The following DPP6 variants were observed in gnomAD, a reference collection of about 807,000 sequenced individuals.
The protein encoded by DPP6 is A-type potassium channel modulatory protein DPP6.
DPP6 carries 69 observed loss-of-function variants against 122.6 expected under a neutral mutation model. The ratio of observed to expected loss-of-function variants is 0.56; its 90% CI spans 0.46 to 0.69. DPP6 has a LOEUF of 0.69. DPP6 is among the 30% of genes least tolerant of loss of function. The pLI is 0.00. For synonymous variants in DPP6, 418 were observed against 433.1 expected, an observed-to-expected ratio of 0.97 and a Z score of 0.43; for missense variants, 928 against 1,116.9, an observed-to-expected ratio of 0.83 and a Z score of 2.41.
chr7:154,154,771 G>T (rs1398159383), intron 1 of DPP6, among the ~76,000 whole-genome samples: 1 of 152,174 alleles, frequency 6.6e-6, no homozygotes, highest in Non-Finnish European at 1.5e-5. Flanking sequence ...TACTCATACT[G>T]CATACATGCA....
chr7:154,564,537 C>T (rs1379129113), intron 4 of DPP6, among the ~76,000 whole-genome samples: 1 of 152,118 alleles, frequency 6.6e-6, no homozygotes, highest in Non-Finnish European at 1.5e-5. Flanking sequence ...TTGGCAATAC[C>T]TATTTAATTT....
At position 154,072,928 on chromosome 7, in the gene DPP6, G is replaced by A. The variant is rs570761059; in HGVS notation, c.243+19865G>A. On this transcript the variant is annotated intron_variant, in intron 1 of 25. Transcript: ENST00000377770. ...ATGGTTGTCTGGCACAGAGAGAGCCGGGGGACCCACACGCTCACGCAGTTC... is the reference window on the plus strand; with the variant it reads ...ATGGTTGTCTGGCACAGAGAGAGCCAGGGGACCCACACGCTCACGCAGTTC... Among the ~76,000 whole-genome samples the A allele has an allele frequency of 5.3e-5, 8 of 152,366 alleles. No individual in the cohort carries two copies. The South Asian group carries it at 1.2e-3, about 24-fold the overall frequency.
At chr7:154,151,704 G>C (rs1472643567) in intron 1 of DPP6, among the ~76,000 whole-genome samples, 1 of 151,840 alleles carries the variant, frequency 6.6e-6, no homozygotes, top group Non-Finnish European at 1.5e-5. Flanking sequence ...GACTGCAGCT[G>C]GTCTCCAGTT....
chr7:154,018,212 T>G (rs1271753599), intron 1 of DPP6, among the ~76,000 whole-genome samples: 3 of 151,812 alleles, frequency 2.0e-5, no homozygotes, highest in East Asian at 1.9e-4. Context: ...GAGGTTGCTT[T>G]CTTTGGAATT....
intron 10 of DPP6, among the ~76,000 whole-genome samples, chr7:154,784,276 T>G (rs12719627): frequency 0.22 from 33,701 of 151,996 alleles, 4,670 homozygotes; most frequent in Non-Finnish European, 0.31. Flanking sequence ...GAGAGAGACC[T>G]AGGACAAGAG....
intron 6 of DPP6, among the ~76,000 whole-genome samples, chr7:154,644,706 C>CT (rs5888584): frequency 0.12 from 15,866 of 129,804 alleles, 1,247 homozygotes; most frequent in Non-Finnish European, 0.18. Context: ...CTTAAAATGG[C>CT]TTTTTTTTTT....
intron 16 of DPP6, among the ~76,000 whole-genome samples, chr7:154,832,079 C>T (rs947665042): frequency 6.6e-6 from 1 of 152,220 alleles, no homozygotes; most frequent in African/African-American, 2.4e-5. Flanking sequence ...GTGACAATTT[C>T]AAGGAAGCCA....
In DPP6 at chr7:154,031,490, A is replaced by C. The variant is rs1025905983; in HGVS notation, c.51+143756A>C. Among the ~76,000 whole-genome samples, 10 of 151,808 alleles carry C rather than the reference A, an allele frequency of 6.6e-5. 1 individual carries two copies. The highest frequency in any genetic ancestry group is 2.4e-4 in the African/African-American group (10 of 41,182). ...AGTAGTTTTGGCATTACCTGTGACTAAAAAAAATCACAGATATTCCCATAT... is the reference window on the plus strand; with the variant it reads ...AGTAGTTTTGGCATTACCTGTGACTCAAAAAAATCACAGATATTCCCATAT... On this transcript the variant is annotated intron_variant, in intron 1 of 25. Coordinates refer to the DPP6 transcript ENST00000404039.
chr7:154,051,161 A>G (rs1167123836), upstream of DPP6, among the ~76,000 whole-genome samples: 1 of 124,198 alleles, frequency 8.1e-6, no homozygotes, highest in African/African-American at 3.0e-5. Context: ...GGAAACCCGG[A>G]AGGAGCAGGG....
intron 9 of DPP6, among the ~76,000 whole-genome samples, chr7:154,771,164 T>A (rs1796228025): frequency 6.6e-6 from 1 of 152,234 alleles, no homozygotes; most frequent in Admixed American, 6.5e-5. Context: ...TGATAACTTA[T>A]AAGGCAGATA....
chr7:153,760,691 CT>C, the DPP6 span, among the ~76,000 whole-genome samples: 1 of 151,986 alleles, frequency 6.6e-6, no homozygotes, highest in Non-Finnish European at 1.5e-5. Flanking sequence ...AAATAGGGCC[CT>C]TTTGCGTATT....
Position 154,282,288 on chromosome 7 carries a change from A to G in DPP6, c.244-163926A>G, listed in dbSNP as rs988767918. 1.3e-5 allele frequency among the ~76,000 whole-genome samples: 2 copies of G among 152,130 alleles called. No homozygotes were observed. Among genetic ancestry groups the G allele is most frequent in the Non-Finnish European group, 2.9e-5 (2 of 68,018 alleles). On this transcript the variant is annotated intron_variant, in intron 1 of 25. Transcript: ENST00000377770. The surrounding 1 kb of genome is among the most constrained non-coding windows in gnomAD (Gnocchi z 4.8). ...AGTGGTTTCCCTGTTGTACAATTCA[A>G]TAGCCTGCATGCAGGGACATGCTTC... is the stretch of plus-strand genomic sequence containing the variant.
At chr7:153,975,238 G>GTT (rs200448541) in intron 1 of DPP6, among the ~76,000 whole-genome samples, 2 of 16,746 alleles carry the variant, frequency 1.2e-4, no homozygotes, top group African/African-American at 2.7e-4. Flanking sequence ...AGAATTCTTA[G>GTT]TTTAAAAAAA....
chr7:153,967,037 G>A (rs77936500), intron 1 of DPP6, among the ~76,000 whole-genome samples: 3,501 of 144,150 alleles, frequency 0.024, 181 homozygotes, highest in African/African-American at 0.095. Flanking sequence ...ACAGCACTCC[G>A]GTCTGAGTGA....
intron 1 of DPP6, among the ~76,000 whole-genome samples, chr7:154,174,543 G>A (rs1213914257): frequency 6.6e-6 from 1 of 152,212 alleles, no homozygotes; most frequent in Non-Finnish European, 1.5e-5. Context: ...GAACTAGAAA[G>A]CCAAGGCCTA....
intron 8 of DPP6, among the ~76,000 whole-genome samples, chr7:154,740,369 T>C (rs1355646334): frequency 6.6e-6 from 1 of 152,098 alleles, no homozygotes; most frequent in Non-Finnish European, 1.5e-5. Flanking sequence ...TTGAGAGTTT[T>C]ACTAAAATGC....
intron 1 of DPP6, among the ~76,000 whole-genome samples, chr7:153,990,916 C>T (rs1042194588): frequency 2.6e-5 from 4 of 152,228 alleles, no homozygotes; most frequent in Admixed American, 2.0e-4. Flanking sequence ...AATCATATGT[C>T]TCTTCTGGGT....
At position 154,207,311 on chromosome 7, in the gene DPP6, TAAA is replaced by T. The variant is rs556889246; in HGVS notation, c.243+154252_243+154254del. ...TGTAATGCCGTTGGTGTCCATGTAG[TAAA>T]AAAGTGCAATATTTGGAGGATGCGT... On this transcript the variant is annotated intron_variant, in intron 1 of 25. Coordinates refer to ENST00000377770, the MANE Select transcript of DPP6 (RefSeq NM_130797.4). Among the ~76,000 whole-genome samples the T allele has an allele frequency of 1.2e-3, 182 of 152,306 alleles. 1 individual carries two copies. Among genetic ancestry groups the T allele is most frequent in the African/African-American group, 4.0e-3 (167 of 41,550 alleles).
chr7:154,144,451 G>A (rs1434719325), intron 1 of DPP6, among the ~76,000 whole-genome samples: 1 of 152,076 alleles, frequency 6.6e-6, no homozygotes, highest in Non-Finnish European at 1.5e-5. Context: ...GAACAATTTG[G>A]GATCTCTGTG....
Sources: allele counts gnomAD v4.1 joint callset (sites outside exome capture counted in the v4.1 genomes callset), GRCh38; gene constraint gnomAD v4.1.1; non-coding constraint Gnocchi (gnomAD v3.1); transcripts MANE v1.5; gene names NCBI Gene and HGNC (gene_info 2026-07-23, HGNC 2026-07-21).